Variants in DEFB119 observed in about 807,000 individuals in gnomAD.
The protein encoded by DEFB119 is beta-defensin 119.
In DEFB119, 3 loss-of-function variants were observed where a neutral mutation model predicts 2.5. The ratio of observed to expected loss-of-function variants is 1.19; its 90% CI spans 0.54 to 3.07. The LOEUF is 3.07. Ranked by LOEUF, DEFB119 falls within the 30% of genes most tolerant of loss-of-function variation. The pLI is 0.03. For synonymous variants in DEFB119, 29 were observed against 33.7 expected (o/e 0.86, Z 0.48); for missense variants, 113 against 101.1 (o/e 1.12, Z -0.50).
chr20:31,385,374 C>CAAAAAAAAAAAAAAAAA (rs539118665), intron 1 of DEFB119, among the ~76,000 whole-genome samples: 2 of 115,798 alleles, frequency 1.7e-5, no homozygotes. Flanking sequence ...TAACAAAAGA[C>CAAAAAAAAAAAAAAAAA]AAAAAAAAAA....
At chr20:31,384,005 T>G (rs1431738877) in intron 1 of DEFB119, among the ~76,000 whole-genome samples, 2 of 152,146 alleles carry the variant, frequency 1.3e-5, no homozygotes, top group Non-Finnish European at 2.9e-5. Context: ...TGGGAAACTG[T>G]GAATCATTAA....
chr20:31,388,266 C>A, intron 1 of DEFB119: 1 of 985,522 alleles, frequency 1.0e-6, no homozygotes, highest in Non-Finnish European at 1.2e-6. Flanking sequence ...GTTCATATTT[C>A]ATAAATCCTT....
chr20:31,382,050 G>A (rs1986524261), intron 1 of DEFB119, among the ~76,000 whole-genome samples: 1 of 151,646 alleles, frequency 6.6e-6, no homozygotes, highest in South Asian at 2.1e-4. Context: ...CTGCAGCTTG[G>A]TCATGATGGT....
intron 1 of DEFB119, chr20:31,378,461 C>G: frequency 6.2e-7 from 1 of 1,600,140 alleles, no homozygotes; most frequent in Non-Finnish European, 8.5e-7. Flanking sequence ...ATAATAATAT[C>G]AAAAACATCC....
Position 31,377,212 on chromosome 20 carries a change from G to A in DEFB119, c.*34C>T, listed in dbSNP as rs781751467. 5.1e-6 allele frequency: 8 copies of A among 1,573,046 alleles called. No individual in the cohort carries two copies. In the East Asian group the frequency reaches 6.8e-5, roughly 13 times the overall value. On this transcript the variant is annotated 3_prime_UTR_variant, in exon 2 of 2. Coordinates refer to ENST00000376321, the MANE Select transcript of DEFB119 (RefSeq NM_153289.4). ...AGGGGGGTTGACAGCAGGTCTCTGT[G>A]CCCAGAGAGCTTGAGAATGGTAATC...
chr20:31,379,183 C>T (rs574813276), intron 1 of DEFB119, among the ~76,000 whole-genome samples: 1 of 152,218 alleles, frequency 6.6e-6, no homozygotes, highest in African/African-American at 2.4e-5. Context: ...AGTGATCCAC[C>T]CACCTCAGCC....
chr20:31,386,299 G>A (rs375517131), intron 1 of DEFB119, among the ~76,000 whole-genome samples: 1 of 152,266 alleles, frequency 6.6e-6, no homozygotes, highest in East Asian at 1.9e-4. Context: ...CCGGGCCTCG[G>A]GGCACAGGTA....
intron 1 of DEFB119, chr20:31,378,470 C>A: frequency 2.5e-6 from 4 of 1,591,596 alleles, no homozygotes; most frequent in Non-Finnish European, 3.4e-6. Context: ...TCAAAAACAT[C>A]CGCGTTCCAG....
intron 1 of DEFB119, among the ~76,000 whole-genome samples, chr20:31,381,550 C>T (rs572281530): frequency 1.1e-4 from 17 of 152,364 alleles, no homozygotes; most frequent in African/African-American, 2.9e-4. Context: ...ACAGTGCTCA[C>T]GCCTGTAATC....
intron 1 of DEFB119, among the ~76,000 whole-genome samples, chr20:31,381,577 C>T (rs1226701097): frequency 2.0e-5 from 3 of 152,198 alleles, no homozygotes; most frequent in Non-Finnish European, 4.4e-5. Flanking sequence ...CTTTGTGAGG[C>T]CAAGGCGGGA....
rs6120065 is a variant in DEFB119 at position 31,389,209 on chromosome 20, T to C, written c.61+1214A>G. 6.7e-3 allele frequency: 10,871 copies of C among 1,614,072 alleles called. 579 individuals carry two copies. The African/African-American group carries it at 0.12, about 18-fold the overall frequency. On this transcript the variant is annotated intron_variant, in intron 1 of 1. Transcript: ENST00000376321. ...ACCATCTTTGCACAACAACCGGCAG[T>C]GTCCATCCATCCAACACTCTACTTT... is the stretch of plus-strand genomic sequence containing the variant.
chr20:31,377,537 G>GAGA, intron 1 of DEFB119, 98 bp from the exon 2 acceptor site: 1 of 1,312,814 alleles, frequency 7.6e-7, no homozygotes, highest in Non-Finnish European at 1.0e-6. Context: ...GGGGAGCAGG[G>GAGA]AGAAAACCTA....
intron 1 of DEFB119, among the ~76,000 whole-genome samples, chr20:31,378,941 CT>C (rs56082233): frequency 0.48 from 68,904 of 143,496 alleles, 16,997 homozygotes; most frequent in East Asian, 0.74. Context: ...AAAGTGGACA[CT>C]TTTTTTTTTT....
intron 1 of DEFB119, among the ~76,000 whole-genome samples, chr20:31,387,245 A>C (rs938122403): frequency 9.9e-5 from 15 of 152,200 alleles, no homozygotes; most frequent in Non-Finnish European, 2.1e-4. Context: ...GAACTATCAC[A>C]CTGTACACCA....
At chr20:31,381,137 T>A (rs771162569) in intron 1 of DEFB119, among the ~76,000 whole-genome samples, 7 of 152,202 alleles carry the variant, frequency 4.6e-5, no homozygotes, top group Non-Finnish European at 8.8e-5. Context: ...ACATAGTTCA[T>A]TAGATGTACA....
chr20:31,390,617 T>C (rs1986900817), upstream of DEFB119: 4 of 780,536 alleles, frequency 5.1e-6, no homozygotes, highest in Admixed American at 2.7e-5. Context: ...AGGGGATTTA[T>C]ATGAGGTCAT....
chr20:31,385,374 C>CAAAAAAAAAAAAAAAAAA lies in DEFB119; in HGVS notation c.61+5031_61+5048dup, dbSNP rs539118665. On this transcript the variant is annotated intron_variant, in intron 1 of 1. Transcript: ENST00000376321. Reference sequence around the variant, plus strand: ...AAGAAACAAGACAAATAACAAAAGACAAAAAAAAAAAAAAAAAACACAGTT... The same window carrying CAAAAAAAAAAAAAAAAAA: ...AAGAAACAAGACAAATAACAAAAGACAAAAAAAAAAAAAAAAAAAAAAAAAAAAAAAAAAAACACAGTT... 5.2e-5 allele frequency among the ~76,000 whole-genome samples: 6 copies of CAAAAAAAAAAAAAAAAAA among 115,802 alleles called. 1 individual carries two copies. Among genetic ancestry groups the CAAAAAAAAAAAAAAAAAA allele is most frequent in the Non-Finnish European group, 6.9e-5 (4 of 58,270 alleles). 76.0% of individuals were successfully genotyped at this position (115,802 alleles called of 152,430 possible).
chr20:31,378,405 G>T, intron 1 of DEFB119: 1 of 1,613,866 alleles, frequency 6.2e-7, no homozygotes, highest in East Asian at 2.2e-5. Flanking sequence ...TATCAGAGGA[G>T]ACAAGCCAAC....
intron 1 of DEFB119, among the ~76,000 whole-genome samples, chr20:31,381,311 C>T (rs781744471): frequency 3.0e-4 from 46 of 152,208 alleles, no homozygotes; most frequent in Non-Finnish European, 5.3e-4. Context: ...GGTATTTTGC[C>T]TTTGCTTTTT....
Sources: gnomAD v4.1 joint callset for allele counts (sites outside exome capture counted in the v4.1 genomes callset) on GRCh38, gnomAD v4.1.1 for gene constraint, MANE v1.5 for transcripts, NCBI Gene and HGNC (gene_info 2026-07-23, HGNC 2026-07-21) for gene names.